Variants in GRID2 observed in about 807,000 individuals in gnomAD.
GRID2 encodes glutamate receptor ionotropic, delta-2.
In GRID2, 33 loss-of-function variants were observed where a neutral mutation model predicts 114.8. That is an observed-to-expected ratio of 0.29 (90% CI 0.22 to 0.38). The LOEUF (loss-of-function observed/expected upper bound fraction) is 0.38, where lower values mean the gene tolerates loss of function less well. Ranked by LOEUF, GRID2 falls within the 10% of genes least tolerant of loss-of-function variation. GRID2 has a pLI of 1.00. For synonymous variants in GRID2, 505 were observed against 449.9 expected (o/e 1.12, Z -1.55); for missense variants, 1,184 against 1,257.7 (o/e 0.94, Z 0.89).
chr4:92,884,902 T>A, intron 2 of GRID2: 1 of 379,818 alleles, frequency 2.6e-6, no homozygotes, highest in Non-Finnish European at 5.4e-6. Flanking sequence ...GTACTATCAA[T>A]GTAGATGATA....
chr4:93,596,324 A>G (rs1041798388), intron 13 of GRID2, among the ~76,000 whole-genome samples: 4 of 152,214 alleles, frequency 2.6e-5, no homozygotes, highest in African/African-American at 2.4e-5. Flanking sequence ...TCACGCCTGC[A>G]GTCCCAGCAC....
At chr4:93,410,775 G>T (rs928609181) in intron 9 of GRID2, among the ~76,000 whole-genome samples, 7 of 152,192 alleles carry the variant, frequency 4.6e-5, no homozygotes, top group Admixed American at 3.3e-4. Flanking sequence ...TAGAGACAGG[G>T]TTTTGCCATG....
intron 1 of GRID2, among the ~76,000 whole-genome samples, chr4:92,465,975 TTA>T (rs566583296): frequency 6.6e-6 from 1 of 151,848 alleles, no homozygotes; most frequent in Non-Finnish European, 1.5e-5. Context: ...AGCCCCCTTT[TTA>T]TATTTAATAA....
intron 8 of GRID2, among the ~76,000 whole-genome samples, chr4:93,307,436 T>A (rs1755554739): frequency 6.6e-6 from 1 of 152,060 alleles, no homozygotes; most frequent in Admixed American, 6.6e-5. Context: ...CTAAACAATC[T>A]TAGAATGTAT....
intron 1 of GRID2, among the ~76,000 whole-genome samples, chr4:92,429,636 T>C (rs1416898704): frequency 6.6e-6 from 1 of 152,162 alleles, no homozygotes; most frequent in Non-Finnish European, 1.5e-5. Flanking sequence ...TGCTAGATCA[T>C]ATGGTAGTCT....
chr4:92,772,032 A>T (rs1398951113), intron 2 of GRID2, among the ~76,000 whole-genome samples: 7 of 152,192 alleles, frequency 4.6e-5, no homozygotes, highest in African/African-American at 1.4e-4. Flanking sequence ...AACACTGGAA[A>T]CCTAGCTAAT....
chr4:93,657,415 A>G (rs534011866), intron 14 of GRID2, among the ~76,000 whole-genome samples: 1 of 152,202 alleles, frequency 6.6e-6, no homozygotes, highest in Non-Finnish European at 1.5e-5. Context: ...AGCTTCGGAG[A>G]TACAGAGGAG....
chr4:93,195,847 A>G (rs1396437674), intron 4 of GRID2, among the ~76,000 whole-genome samples: 1 of 152,164 alleles, frequency 6.6e-6, no homozygotes, highest in East Asian at 1.9e-4. Context: ...GCTGACAGAT[A>G]AGCATACATG....
intron 8 of GRID2, among the ~76,000 whole-genome samples, chr4:93,325,441 T>G (rs1757723402): frequency 6.6e-6 from 1 of 152,086 alleles, no homozygotes; most frequent in Admixed American, 6.6e-5. Flanking sequence ...GATAGACTAT[T>G]CTTTCTAGCT....
At chr4:93,541,705 G>A (rs1342922319) in intron 13 of GRID2, among the ~76,000 whole-genome samples, 1 of 152,152 alleles carries the variant, frequency 6.6e-6, no homozygotes, top group African/African-American at 2.4e-5. Flanking sequence ...ATGCAGTACG[G>A]TTTGGGAGTT....
chr4:93,685,246 T>C (rs1235156178), intron 14 of GRID2, among the ~76,000 whole-genome samples: 1 of 152,084 alleles, frequency 6.6e-6, no homozygotes, highest in African/African-American at 2.4e-5. Context: ...ATCCCTGTTC[T>C]GAGGACAATC....
At chr4:93,785,037 A>G (rs1734564463) in intron 1 of GRID2, among the ~76,000 whole-genome samples, 1 of 152,212 alleles carries the variant, frequency 6.6e-6, no homozygotes, top group Non-Finnish European at 1.5e-5. Context: ...AGACTAGAGA[A>G]AGACTTTTTT....
At chr4:93,636,730 A>G (rs966668402) in intron 14 of GRID2, among the ~76,000 whole-genome samples, 14 of 152,168 alleles carry the variant, frequency 9.2e-5, no homozygotes, top group African/African-American at 3.1e-4. Flanking sequence ...CATAATAATT[A>G]TGTCTATAGA....
rs1438001479 is a variant in GRID2 at position 92,652,977 on chromosome 4, CATATAAATAT to C, written c.244+62711_244+62720del. On this transcript the variant is annotated intron_variant, in intron 2 of 15. Coordinates refer to ENST00000282020, the MANE Select transcript of GRID2 (RefSeq NM_001510.4). Reference sequence around the variant, plus strand: ...ATATATATAAACATATTTATAAATACATATAAATATATATAAATATATATAAATACATATA... The same window carrying C: ...ATATATATAAACATATTTATAAATACATATAAATATATATAAATACATATA... 4.5e-4 allele frequency among the ~76,000 whole-genome samples: 55 copies of C among 120,924 alleles called. 3 individuals are homozygous for C. Among genetic ancestry groups the C allele is most frequent in the East Asian group, 3.9e-3 (16 of 4,150 alleles). 79.3% of individuals were successfully genotyped at this position (120,924 alleles called of 152,430 possible). A position where few individuals can be genotyped will look rare whatever the true frequency, so the allele number is the denominator to read the frequency against.
intron 1 of GRID2, among the ~76,000 whole-genome samples, chr4:92,476,522 T>C (rs558752256): frequency 3.3e-5 from 5 of 152,260 alleles, no homozygotes; most frequent in Admixed American, 3.3e-4. Context: ...GCATTTTGAG[T>C]AAAGATGTTA....
intron 1 of GRID2, among the ~76,000 whole-genome samples, chr4:92,552,960 T>C (rs74601327): frequency 0.027 from 4,141 of 152,266 alleles, 189 homozygotes; most frequent in African/African-American, 0.094. Context: ...AATGTGTGTT[T>C]TGGTGAGCAG....
intron 4 of GRID2, among the ~76,000 whole-genome samples, chr4:93,157,946 A>G (rs896627036): frequency 4.6e-5 from 7 of 151,852 alleles, no homozygotes; most frequent in Non-Finnish European, 8.8e-5. Context: ...AATTATTAAA[A>G]TTTTAAGACA....
chr4:93,357,461 T>A (rs1483180625), intron 8 of GRID2, among the ~76,000 whole-genome samples: 1 of 151,450 alleles, frequency 6.6e-6, no homozygotes. Context: ...TTTTTCCTAT[T>A]TTTGGGGGAA....
chr4:93,768,174 A>T (rs1733823973), intron 14 of GRID2, among the ~76,000 whole-genome samples: 3 of 152,334 alleles, frequency 2.0e-5, no homozygotes, highest in African/African-American at 7.2e-5. Flanking sequence ...CGTGGCTGTA[A>T]GATCTTCTGC....
Sources: allele counts gnomAD v4.1 joint callset (sites outside exome capture counted in the v4.1 genomes callset), GRCh38; gene constraint gnomAD v4.1.1; transcripts MANE v1.5; gene names NCBI Gene and HGNC (gene_info 2026-07-23, HGNC 2026-07-21).